The following INPP5D variants were observed in gnomAD, a reference collection of about 807,000 sequenced individuals.
INPP5D encodes phosphatidylinositol 3,4,5-trisphosphate 5-phosphatase 1.
INPP5D carries 33 observed loss-of-function variants against 122.9 expected under a neutral mutation model. The observed-to-expected ratio is 0.27, with a 90% CI of 0.20 to 0.36. The LOEUF (loss-of-function observed/expected upper bound fraction) is 0.36. INPP5D is among the 10% of genes least tolerant of loss of function. The pLI, the probability that INPP5D is intolerant of heterozygous loss-of-function variation, is 1.00. For missense variants in INPP5D, 1,053 were observed against 1,412.7 expected (o/e 0.75, Z 4.08); for synonymous variants, 584 against 576.2 (o/e 1.01, Z -0.19).
chr2:233,153,185 A>T (rs375095605), intron 9 of INPP5D, among the ~76,000 whole-genome samples: 1 of 152,224 alleles, frequency 6.6e-6, no homozygotes, highest in African/African-American at 2.4e-5. Context: ...CAAACAAGAT[A>T]TCACATCCTG....
In INPP5D at chr2:233,128,163, T is replaced by G. The variant is rs141088596; in HGVS notation, c.524+2244T>G. Among the ~76,000 whole-genome samples the G allele has an allele frequency of 9.4e-3, 1,424 of 152,178 alleles. 8 individuals carry two copies. The highest frequency in any genetic ancestry group is 0.013 in the African/African-American group (546 of 41,500). On this transcript the variant is annotated intron_variant, in intron 4 of 26. Transcript: ENST00000445964. This position sits in a 1 kb window ranked among gnomAD's most constrained non-coding sequence, Gnocchi z 4.5. ...GTGAACCCGGTTGTGAACTGTGCAC[T>G]TGAGGGATCTAGGCTGCACGCCTCT... is the stretch of plus-strand genomic sequence containing the variant.
chr2:233,132,756 G>A (rs1693362940), intron 5 of INPP5D, among the ~76,000 whole-genome samples: 2 of 152,144 alleles, frequency 1.3e-5, no homozygotes, highest in South Asian at 4.1e-4. Context: ...GGCCTCCTCT[G>A]AGCCCTGTTC....
At chr2:233,194,289 A>G (rs923812101) in intron 23 of INPP5D, among the ~76,000 whole-genome samples, 4 of 152,022 alleles carry the variant, frequency 2.6e-5, no homozygotes, top group African/African-American at 9.7e-5. Context: ...AAGCGAACCT[A>G]CGTCTTGTTA....
intron 3 of INPP5D, among the ~76,000 whole-genome samples, chr2:233,123,632 G>A (rs1372556786): frequency 6.6e-6 from 1 of 152,112 alleles, no homozygotes; most frequent in East Asian, 1.9e-4. Flanking sequence ...TATACCTAAG[G>A]GAATAGAAAT....
At chr2:233,073,534 G>A (rs546911820) in intron 1 of INPP5D, among the ~76,000 whole-genome samples, 65 of 151,326 alleles carry the variant, frequency 4.3e-4, no homozygotes, top group South Asian at 1.9e-3. Flanking sequence ...CAGCTACTCC[G>A]GAGGCTGAGA....
At chr2:233,093,271 T>A (rs1692037493) in intron 2 of INPP5D, among the ~76,000 whole-genome samples, 1 of 152,000 alleles carries the variant, frequency 6.6e-6, no homozygotes, top group South Asian at 2.1e-4. Context: ...AGAAGTAAAA[T>A]CCCCTGACAT....
chr2:233,163,736 T>A lies in INPP5D; in HGVS notation c.1270T>A (p.Ser424Thr). 1 of 1,613,904 alleles carries A rather than the reference T, an allele frequency of 6.2e-7. No homozygotes were observed. Among genetic ancestry groups the A allele is most frequent in the Non-Finnish European group, 8.5e-7 (1 of 1,179,870 alleles). Residue 424 changes from serine to threonine, a missense_variant, in exon 12 of 27, where the codon TCC (serine) becomes ACC (threonine). Physicochemically the swap from Ser to Thr is moderately conservative, Grantham distance 58 (BLOSUM62 1). Transcript: ENST00000445964. The part of the protein sequence containing the change: ...GNAPPPKKIT[S>T]WFLSKGQGKT... ...CGCCCCCCCTCCCAAGAAGATCACG[T>A]CCTGGTTTCTCTCCAAGGGGCAGGG...
At chr2:233,185,714 TA>T (rs34533084) in intron 20 of INPP5D, 128 bp from the exon 21 acceptor site, 174,000 of 621,244 alleles carry the variant, frequency 0.28, 4,864 homozygotes, top group African/African-American at 0.41. Context: ...GGCCCCGAGA[TA>T]AAAAAAAAAA....
chr2:233,090,263 C>CA lies in INPP5D; in HGVS notation c.198+10867dup, dbSNP rs1376370330. Among the ~76,000 whole-genome samples, 16 of 152,350 alleles carry CA rather than the reference C, an allele frequency of 1.1e-4. 1 individual carries two copies. In the East Asian group the frequency reaches 2.9e-3, roughly 28 times the overall value. ...TTAGCAGACTGTATTTCATTTTGAGCAACCCCAGGAGAGGAAAATCCAAAT... is the reference window on the plus strand; with the variant it reads ...TTAGCAGACTGTATTTCATTTTGAGCAAACCCCAGGAGAGGAAAATCCAAAT... On this transcript the variant is annotated intron_variant, in intron 2 of 26. Transcript: ENST00000445964.
intron 1 of INPP5D, among the ~76,000 whole-genome samples, chr2:233,064,216 G>A (rs370438001): frequency 2.0e-5 from 3 of 152,254 alleles, no homozygotes; most frequent in Non-Finnish European, 2.9e-5. Context: ...GGAGGGCGGC[G>A]TTCCCAGCCA....
rs973935425 is a variant in INPP5D, at chr2:233,101,650, A to G, written c.199-20457A>G. 2.8e-5 allele frequency among the ~76,000 whole-genome samples: 4 copies of G among 144,792 alleles called. No individual in the cohort carries two copies. In the Admixed American group the frequency reaches 2.8e-4, roughly 10 times the overall value. 95.0% of individuals were successfully genotyped at this position (144,792 alleles called of 152,430 possible). Reference sequence around the variant, plus strand: ...TATATTATATTATTATTAAATATATAACATATAATAGATATTATATATTAC... The same window carrying G: ...TATATTATATTATTATTAAATATATGACATATAATAGATATTATATATTAC... On this transcript the variant is annotated intron_variant, in intron 2 of 26. Transcript: ENST00000445964.
At chr2:233,125,262 AC>A (rs1693123450) in intron 3 of INPP5D, among the ~76,000 whole-genome samples, 1 of 152,144 alleles carries the variant, frequency 6.6e-6, no homozygotes, top group African/African-American at 2.4e-5. Flanking sequence ...GAGAGAGGGG[AC>A]CAGGGAGAGA....
chr2:233,097,652 G>T (rs146363554), intron 2 of INPP5D, among the ~76,000 whole-genome samples: 26 of 151,950 alleles, frequency 1.7e-4, no homozygotes, highest in Non-Finnish European at 2.5e-4. Flanking sequence ...TGATAGTTTC[G>T]GTAGGGTACT....
At chr2:233,169,686 GGCC>G in intron 14 of INPP5D, 1 of 582,116 alleles carries the variant, frequency 1.7e-6, no homozygotes, top group Non-Finnish European at 2.9e-6. Context: ...CCTCCTCTGG[GGCC>G]TCCTTACAAA....
intron 2 of INPP5D, among the ~76,000 whole-genome samples, chr2:233,093,980 C>G (rs6437088): frequency 0.15 from 22,522 of 151,850 alleles, 1,810 homozygotes; most frequent in East Asian, 0.35. Flanking sequence ...GTCTGAGAAA[C>G]AGATGTTGCC....
At chr2:233,121,639 C>T (rs1409832843) in intron 2 of INPP5D, among the ~76,000 whole-genome samples, 2 of 151,950 alleles carry the variant, frequency 1.3e-5, no homozygotes, top group Non-Finnish European at 2.9e-5. Flanking sequence ...TCTCAGCCTC[C>T]TGAGTAGCTG....
intron 2 of INPP5D, among the ~76,000 whole-genome samples, chr2:233,106,442 C>G (rs980722484): frequency 3.3e-5 from 5 of 152,240 alleles, no homozygotes; most frequent in Non-Finnish European, 7.3e-5. Flanking sequence ...GCCCTCAGCT[C>G]AGAACTGGTG....
At chr2:233,121,832 CACTTTTAAAAAT>C (rs1162356729) in intron 2 of INPP5D, among the ~76,000 whole-genome samples, 1 of 152,118 alleles carries the variant, frequency 6.6e-6, no homozygotes, top group Non-Finnish European at 1.5e-5. Context: ...GGCCCAAAAA[CACTTTTAAAAAT>C]AAAAGTTTTT....
rs1691709222 is a variant in INPP5D, at chr2:233,082,159, G to A, written c.198+2761G>A. Among the ~76,000 whole-genome samples, 1 of 152,120 alleles carries A rather than the reference G, an allele frequency of 6.6e-6. No individual in the cohort carries two copies. Among genetic ancestry groups the A allele is most frequent in the Non-Finnish European group, 1.5e-5 (1 of 68,016 alleles). ...AGGGAGCTGTGGACCTAGGTGGTCT[G>A]AAGAGGTTTTCCTTCAAGGTGAATT... is the stretch of plus-strand genomic sequence containing the variant. On this transcript the variant is annotated intron_variant, in intron 2 of 26. Coordinates refer to ENST00000445964, the MANE Select transcript of INPP5D (RefSeq NM_001017915.3). The surrounding 1 kb of genome is among the most constrained non-coding windows in gnomAD (Gnocchi z 4.7).
Sources: allele counts gnomAD v4.1 joint callset (sites outside exome capture counted in the v4.1 genomes callset), GRCh38; gene constraint gnomAD v4.1.1; non-coding constraint Gnocchi (gnomAD v3.1); transcripts MANE v1.5; gene names NCBI Gene and HGNC (gene_info 2026-07-23, HGNC 2026-07-21).